EEPD1: variants seen among roughly 807,000 people sequenced by gnomAD.
The protein encoded by EEPD1 is endonuclease/exonuclease/phosphatase family domain-containing protein 1.
EEPD1 carries 17 observed loss-of-function variants against 46.3 expected under a neutral mutation model. The observed-to-expected ratio is 0.37, with a 90% CI of 0.25 to 0.55. EEPD1 has a LOEUF of 0.55. Among genes scored for constraint, EEPD1 ranks in the 20% least tolerant of loss-of-function variants. The pLI, the probability that EEPD1 is intolerant of heterozygous loss-of-function variation, is 0.83. For missense variants in EEPD1, 673 were observed against 745.6 expected (o/e 0.90, Z 1.13); for synonymous variants, 313 against 315.6 (o/e 0.99, Z 0.09).
intron 2 of EEPD1, among the ~76,000 whole-genome samples, chr7:36,216,035 G>T (rs1054685240): frequency 2.6e-5 from 4 of 152,134 alleles, no homozygotes; most frequent in Non-Finnish European, 5.9e-5. Flanking sequence ...CAGTGAGTGG[G>T]CTTTAATCAT....
intron 2 of EEPD1, among the ~76,000 whole-genome samples, chr7:36,217,918 C>G (rs1484922457): frequency 6.6e-6 from 1 of 152,174 alleles, no homozygotes; most frequent in East Asian, 1.9e-4. Flanking sequence ...CAATCACAGA[C>G]CCTGTATTGT....
At chr7:36,206,989 C>T (rs1785831818) in intron 2 of EEPD1, among the ~76,000 whole-genome samples, 1 of 152,154 alleles carries the variant, frequency 6.6e-6, no homozygotes, top group South Asian at 2.1e-4. Context: ...GTGGAGGTTG[C>T]AGTGAGCTGA....
At chr7:36,269,340 T>C (rs1787068067) in intron 3 of EEPD1, among the ~76,000 whole-genome samples, 1 of 152,176 alleles carries the variant, frequency 6.6e-6, no homozygotes, top group Admixed American at 6.5e-5. Flanking sequence ...ACTCTTGTCT[T>C]GTGTCAGTCA....
rs1038236473 is a variant in EEPD1 at position 36,174,022 on chromosome 7, T to A, written c.878+18820T>A. ...GACTATGAAGAGCTCAGTCTGGCTGTGGGAATAGTTTATACAGGGCTGAGT... is the reference window on the plus strand; with the variant it reads ...GACTATGAAGAGCTCAGTCTGGCTGAGGGAATAGTTTATACAGGGCTGAGT... On this transcript the variant is annotated intron_variant, in intron 2 of 7. Transcript: ENST00000242108. Among the ~76,000 whole-genome samples, 9 of 152,098 alleles carry A rather than the reference T, an allele frequency of 5.9e-5. No individual in the cohort carries two copies. In the East Asian group the frequency reaches 1.7e-3, roughly 29 times the overall value.
At chr7:36,251,412 G>A (rs1786737492) in intron 3 of EEPD1, among the ~76,000 whole-genome samples, 1 of 152,170 alleles carries the variant, frequency 6.6e-6, no homozygotes, top group South Asian at 2.1e-4. Flanking sequence ...CCGGGTTCAA[G>A]CAATTCTCCT....
chr7:36,242,400 G>A (rs72622369), intron 3 of EEPD1, among the ~76,000 whole-genome samples: 1 of 151,930 alleles, frequency 6.6e-6, no homozygotes, highest in Non-Finnish European at 1.5e-5. Flanking sequence ...TGTGTACAGG[G>A]GCCAGCAGGG....
chr7:36,176,849 T>C (rs1191254179), intron 2 of EEPD1, among the ~76,000 whole-genome samples: 6 of 152,216 alleles, frequency 3.9e-5, no homozygotes, highest in Non-Finnish European at 8.8e-5. Flanking sequence ...CATAAAGTTA[T>C]ACAAACTAAA....
At chr7:36,155,788 T>C (rs1784815693) in intron 2 of EEPD1, among the ~76,000 whole-genome samples, 1 of 152,188 alleles carries the variant, frequency 6.6e-6, no homozygotes, top group Non-Finnish European at 1.5e-5. Flanking sequence ...TAACCTTTTC[T>C]GTGCCATAGC....
Position 36,274,979 on chromosome 7 carries a change from C to G in EEPD1, c.931-6136C>G, listed in dbSNP as rs550935252. Reference sequence around the variant, plus strand: ...TCTTTCTTTTATGGTAAGGATTTATCTTTTTAAGGAGAACTCACCTGTGCA... The same window carrying G: ...TCTTTCTTTTATGGTAAGGATTTATGTTTTTAAGGAGAACTCACCTGTGCA... On this transcript the variant is annotated intron_variant, in intron 3 of 7. Transcript: ENST00000242108. 4.0e-4 allele frequency among the ~76,000 whole-genome samples: 61 copies of G among 152,300 alleles called. No homozygotes were observed. In the South Asian group the frequency reaches 5.8e-3, roughly 14 times the overall value.
chr7:36,153,416 G>A lies in EEPD1; in HGVS notation c.-451G>A, dbSNP rs11537599. The A allele has an allele frequency of 0.24, 36,499 of 152,082 alleles. 4,552 individuals carry two copies. The highest frequency in any genetic ancestry group is 0.28 in the African/African-American group (11,475 of 41,496). 9.4% of individuals were successfully genotyped at this position (152,082 alleles called of 1,614,324 possible). On this transcript the variant is annotated 5_prime_UTR_variant, in exon 1 of 8. Transcript: ENST00000242108. Reference sequence around the variant, plus strand: ...AGCCCCGGTGCAGCCTCGGCGGCGGGTTTCGCCGCCGCTGCCGCCGCCTCC... The same window carrying A: ...AGCCCCGGTGCAGCCTCGGCGGCGGATTTCGCCGCCGCTGCCGCCGCCTCC...
intron 3 of EEPD1, among the ~76,000 whole-genome samples, chr7:36,260,682 A>G (rs141249661): frequency 6.6e-6 from 1 of 152,380 alleles, no homozygotes; most frequent in East Asian, 1.9e-4. Context: ...GATAGTCTAG[A>G]AAGATCAAGG....
At chr7:36,194,456 G>A (rs1340794043) in intron 2 of EEPD1, among the ~76,000 whole-genome samples, 1 of 152,080 alleles carries the variant, frequency 6.6e-6, no homozygotes, top group African/African-American at 2.4e-5. Flanking sequence ...TTTTAAGGTG[G>A]GGGCAGCACA....
chr7:36,253,693 C>T (rs1016467821), intron 3 of EEPD1, among the ~76,000 whole-genome samples: 9 of 151,994 alleles, frequency 5.9e-5, no homozygotes, highest in Non-Finnish European at 1.2e-4. Flanking sequence ...ATAGGATGTT[C>T]CTCTTCACCT....
chr7:36,205,225 A>C (rs1043197678), intron 2 of EEPD1, among the ~76,000 whole-genome samples: 1 of 152,194 alleles, frequency 6.6e-6, no homozygotes, highest in Non-Finnish European at 1.5e-5. Flanking sequence ...CAAAAGCCGG[A>C]AGGAGGTTCT....
At chr7:36,265,618 C>T (rs2115838468) in intron 3 of EEPD1, among the ~76,000 whole-genome samples, 1 of 152,262 alleles carries the variant, frequency 6.6e-6, no homozygotes, top group African/African-American at 2.4e-5. Context: ...CTTCCTTTTC[C>T]TCGTCCCTAC....
chr7:36,293,069 A>C (rs1787472238), intron 6 of EEPD1, among the ~76,000 whole-genome samples: 1 of 152,206 alleles, frequency 6.6e-6, no homozygotes, highest in Non-Finnish European at 1.5e-5. Context: ...TCCTTTTGAT[A>C]TATATCATTA....
At chr7:36,207,088 A>G (rs1355834061) in intron 2 of EEPD1, among the ~76,000 whole-genome samples, 1 of 152,152 alleles carries the variant, frequency 6.6e-6, no homozygotes, top group African/African-American at 2.4e-5. Flanking sequence ...AAACTCTATG[A>G]GGGAGGCAGG....
intron 3 of EEPD1, among the ~76,000 whole-genome samples, chr7:36,278,498 TG>T (rs1216073198): frequency 5.8e-4 from 2 of 3,458 alleles, no homozygotes; most frequent in East Asian, 8.2e-3. Context: ...GATCCCTTGG[TG>T]GGGGGGCGGT....
At chr7:36,204,419 TGAG>T (rs34611930) in intron 2 of EEPD1, among the ~76,000 whole-genome samples, 16,638 of 152,136 alleles carry the variant, frequency 0.11, 1,202 homozygotes, top group Non-Finnish European at 0.17. Flanking sequence ...GCAATGATGA[TGAG>T]GAGGAGGAGG....
Sources: gnomAD v4.1 joint callset for allele counts (sites outside exome capture counted in the v4.1 genomes callset) on GRCh38, gnomAD v4.1.1 for gene constraint, MANE v1.5 for transcripts, NCBI Gene and HGNC (gene_info 2026-07-23, HGNC 2026-07-21) for gene names.